Variants in ME3 observed in about 807,000 individuals in gnomAD.
ME3 encodes the protein NADP-dependent malic enzyme, mitochondrial.
ME3 carries 48 observed loss-of-function variants against 68.9 expected under a neutral mutation model. The ratio of observed to expected loss-of-function variants is 0.70; its 90% CI spans 0.55 to 0.89. The LOEUF (loss-of-function observed/expected upper bound fraction) is 0.89, where lower values mean the gene tolerates loss of function less well. Ranked by LOEUF, ME3 falls within the 40% of genes least tolerant of loss-of-function variation. The probability of loss-of-function intolerance (pLI) is 0.00; values close to 1 mark genes in which losing one functional copy is unlikely to be tolerated. For missense variants in ME3, 675 were observed against 797.4 expected, an observed-to-expected ratio of 0.85 and a Z score of 1.85; for synonymous variants, 320 against 318.8, an observed-to-expected ratio of 1.00 and a Z score of -0.04.
At chr11:86,631,668 A>G (rs1944024790) in intron 2 of ME3, among the ~76,000 whole-genome samples, 1 of 152,242 alleles carries the variant, frequency 6.6e-6, no homozygotes, top group Non-Finnish European at 1.5e-5. Flanking sequence ...CTTTAAAAAT[A>G]ACAGGCAATA....
At chr11:86,580,989 T>C (rs755769978) in intron 2 of ME3, among the ~76,000 whole-genome samples, 2 of 152,134 alleles carry the variant, frequency 1.3e-5, no homozygotes, top group African/African-American at 4.8e-5. Flanking sequence ...TACAACAACA[T>C]TTAAGTGTTC....
chr11:86,600,807 A>G lies in ME3; in HGVS notation c.184-40984T>C, dbSNP rs1472837392. On this transcript the variant is annotated intron_variant, in intron 2 of 14. Coordinates refer to ENST00000543262, the Ensembl canonical transcript of ME3. ...CTCAGGATTAAGAAACTCACTCAAA[A>G]CCACTCAACTACATGGAAACTGAAC... is the stretch of plus-strand genomic sequence containing the variant. 8.2e-4 allele frequency among the ~76,000 whole-genome samples: 125 copies of G among 151,728 alleles called. 1 individual carries two copies. Among genetic ancestry groups the G allele is most frequent in the African/African-American group, 3.0e-3 (122 of 41,172 alleles).
intron 2 of ME3, among the ~76,000 whole-genome samples, chr11:86,662,495 G>T (rs1424267915): frequency 1.3e-5 from 2 of 152,068 alleles, no homozygotes; most frequent in Non-Finnish European, 2.9e-5. Flanking sequence ...TACTTGGGTG[G>T]CTGAGGTGGG....
At chr11:86,474,011 A>C (rs1348241072) in intron 7 of ME3, among the ~76,000 whole-genome samples, 2 of 152,198 alleles carry the variant, frequency 1.3e-5, no homozygotes, top group Non-Finnish European at 2.9e-5. Flanking sequence ...ACTGGTTGGA[A>C]AGAGACTGCT....
intron 2 of ME3, among the ~76,000 whole-genome samples, chr11:86,595,287 A>G (rs995895923): frequency 8.1e-5 from 6 of 74,094 alleles, no homozygotes; most frequent in Admixed American, 1.8e-4. Flanking sequence ...ATATATATAC[A>G]TATACATATA....
At chr11:86,506,183 GTC>G (rs1051455942) in intron 5 of ME3, among the ~76,000 whole-genome samples, 1 of 152,178 alleles carries the variant, frequency 6.6e-6, no homozygotes, top group African/African-American at 2.4e-5. Context: ...GGCTCTGGAT[GTC>G]TCTCTTATTT....
At chr11:86,454,460 A>T (rs1175462299) in intron 8 of ME3, among the ~76,000 whole-genome samples, 1 of 152,254 alleles carries the variant, frequency 6.6e-6, no homozygotes, top group East Asian at 1.9e-4. Context: ...AGACTGTTTT[A>T]TAGCTATTAA....
intron 4 of ME3, among the ~76,000 whole-genome samples, chr11:86,510,099 C>A (rs1016727557): frequency 6.6e-6 from 1 of 152,196 alleles, no homozygotes; most frequent in African/African-American, 2.4e-5. Flanking sequence ...TCCTCCCTTC[C>A]ATTGCCAAAC....
At chr11:86,603,138 A>C (rs1435195368) in intron 2 of ME3, among the ~76,000 whole-genome samples, 2 of 152,232 alleles carry the variant, frequency 1.3e-5, no homozygotes, top group Non-Finnish European at 2.9e-5. Flanking sequence ...CAGCAAAAGA[A>C]ACTACCATCA....
rs1054807281 is a variant in ME3 at position 86,640,453 on chromosome 11, T to A, written c.183+31309A>T. Among the ~76,000 whole-genome samples, 6 of 152,334 alleles carry A rather than the reference T, an allele frequency of 3.9e-5. 1 individual carries two copies. On this transcript the variant is annotated intron_variant, in intron 2 of 14. Transcript: ENST00000543262. ...TAAAGGTAAGTGGCTGTGGTCCCAA[T>A]ATTTGAACAACAGCTTTAGCCATGA... is the stretch of plus-strand genomic sequence containing the variant.
chr11:86,524,572 C>T (rs1954586585), intron 4 of ME3, among the ~76,000 whole-genome samples: 1 of 152,204 alleles, frequency 6.6e-6, no homozygotes, highest in Non-Finnish European at 1.5e-5. Context: ...TGAGGCAGTT[C>T]TATGGGCAGG....
chr11:86,617,062 T>TG (rs1565220840), intron 2 of ME3, among the ~76,000 whole-genome samples: 2 of 139,290 alleles, frequency 1.4e-5, no homozygotes, highest in East Asian at 2.1e-4. Flanking sequence ...TTTTTTTTTT[T>TG]TTTTTTTTTT....
chr11:86,563,816 T>C (rs1260036270), intron 2 of ME3, among the ~76,000 whole-genome samples: 1 of 152,190 alleles, frequency 6.6e-6, no homozygotes, highest in African/African-American at 2.4e-5. Context: ...ACAAGTCTGT[T>C]TTTGTATCAG....
chr11:86,571,753 AGAGT>A (rs1306457776), intron 2 of ME3, among the ~76,000 whole-genome samples: 1 of 152,208 alleles, frequency 6.6e-6, no homozygotes, highest in Non-Finnish European at 1.5e-5. Context: ...GCCTTGATGC[AGAGT>A]GATGGTTTGT....
At chr11:86,497,873 T>G in intron 6 of ME3, 90 bp downstream of exon 6, 1 of 1,390,224 alleles carries the variant, frequency 7.2e-7, no homozygotes, top group Non-Finnish European at 9.8e-7. Context: ...CCCATTGCTG[T>G]GTAGATATAA....
intron 4 of ME3, among the ~76,000 whole-genome samples, chr11:86,517,499 A>G (rs1006255605): frequency 6.6e-6 from 1 of 152,174 alleles, no homozygotes; most frequent in Admixed American, 6.5e-5. Context: ...AAAGATGTCC[A>G]GAGATGCTCA....
intron 4 of ME3, among the ~76,000 whole-genome samples, chr11:86,526,186 C>T (rs1954732685): frequency 6.6e-6 from 1 of 152,220 alleles, no homozygotes; most frequent in African/African-American, 2.4e-5. Flanking sequence ...TGCGCTGTTC[C>T]AACAGTCTTA....
At chr11:86,588,417 G>T (rs896738144) in intron 2 of ME3, among the ~76,000 whole-genome samples, 4 of 152,124 alleles carry the variant, frequency 2.6e-5, no homozygotes, top group African/African-American at 7.2e-5. Flanking sequence ...CTGTAAGTGG[G>T]GACTATCTCA....
chr11:86,481,879 A>G (rs1160953416), intron 7 of ME3, among the ~76,000 whole-genome samples: 2 of 152,140 alleles, frequency 1.3e-5, no homozygotes, highest in East Asian at 1.9e-4. Context: ...CCCTTATTCC[A>G]TGCTCAGGGC....
Sources: allele counts gnomAD v4.1 joint callset (sites outside exome capture counted in the v4.1 genomes callset), GRCh38; gene constraint gnomAD v4.1.1; transcripts MANE v1.5; gene names NCBI Gene and HGNC (gene_info 2026-07-23, HGNC 2026-07-21).